ZFP82: variants seen among roughly 807,000 people sequenced by gnomAD.
ZFP82 encodes the protein ZFP82 zinc finger protein, also known as zinc finger protein 82 homolog.
In ZFP82, 30 loss-of-function variants were observed where a neutral mutation model predicts 54.0. That is an observed-to-expected ratio of 0.56 (90% CI 0.42 to 0.75). The LOEUF is 0.75. Among genes scored for constraint, ZFP82 ranks in the 30% least tolerant of loss-of-function variants. The probability of loss-of-function intolerance (pLI) is 0.00; values close to 1 mark genes in which losing one functional copy is unlikely to be tolerated. For missense variants in ZFP82, 500 were observed against 636.8 expected, an observed-to-expected ratio of 0.79 and a Z score of 2.31; for synonymous variants, 194 against 209.5, an observed-to-expected ratio of 0.93 and a Z score of 0.64.
Position 36,393,361 on chromosome 19 carries a change from C to T in ZFP82, c.979G>A (p.Val327Ile), listed in dbSNP as rs2032238242. The part of the protein sequence containing the change: ...KAFLCGSGLR[V>I]HHKLHTGEKP... ...TCACCAGTATGAAGTTTGTGATGTA[C>T]TCTAAGACCAGAGCCACACAAAAAG... The change falls in exon 5 of 5, where the codon GTA becomes ATA. Residue 327 changes from valine to isoleucine, a missense_variant. Coordinates refer to ENST00000392161, the MANE Select transcript of ZFP82 (RefSeq NM_133466.4). 1.2e-6 allele frequency: 2 copies of T among 1,613,518 alleles called. No individual in the cohort carries two copies. The highest frequency in any genetic ancestry group is 1.3e-5 in the African/African-American group (1 of 74,710).
chr19:36,409,541 C>T (rs1406642033), intron 2 of ZFP82, among the ~76,000 whole-genome samples: 1 of 152,152 alleles, frequency 6.6e-6, no homozygotes, highest in Non-Finnish European at 1.5e-5. Context: ...TCCATTGCAG[C>T]TTTTAGCAGA....
intron 1 of ZFP82, 136 bp from the exon 2 acceptor site, chr19:36,410,003 A>C: frequency 9.4e-6 from 5 of 532,804 alleles, no homozygotes; most frequent in East Asian, 3.0e-5. Context: ...GCACACACAC[A>C]TAGGCAGAGA....
chr19:36,414,148 C>T (rs2145601662), intron 1 of ZFP82, among the ~76,000 whole-genome samples: 1 of 152,134 alleles, frequency 6.6e-6, no homozygotes, highest in East Asian at 1.9e-4. Flanking sequence ...GATCCGCCCG[C>T]CTTGGCCTCC....
In ZFP82 at chr19:36,405,638, T is replaced by A; in HGVS notation, c.171A>T (p.Ser57=). The A allele has an allele frequency of 6.2e-7, 1 of 1,610,550 alleles. No homozygotes were observed. The highest frequency in any genetic ancestry group is 2.2e-5 in the East Asian group (1 of 44,878). ...CFISKPDVIS[S]LEQGKEPWKV... ...TCCAAGGCTCTTTTCCTTGCTCCAA[T>A]GAGGAAATCACATCTGGTTTAGAAA... Residue 57 remains serine (S), a synonymous_variant, in exon 4 of 5, where the codon TCA becomes TCT. Transcript: ENST00000392161.
rs1568488487 is a variant in ZFP82, at chr19:36,405,680, GAAGAA to G, written c.137-13_137-9del. The G allele has an allele frequency of 6.3e-7, 1 of 1,579,812 alleles. No homozygotes were observed. On this transcript the variant is annotated splice_polypyrimidine_tract_variant and intron_variant, in intron 3 of 4. Transcript: ENST00000392161. ...GTTTAGAAATGAAGCATCCTGCTTA[GAAGAA>G]AAGGAATATAAGGTACATGAAAATA...
chr19:36,410,860 C>G (rs1364643943), intron 1 of ZFP82, among the ~76,000 whole-genome samples: 1 of 152,116 alleles, frequency 6.6e-6, no homozygotes, highest in East Asian at 1.9e-4. Context: ...AATAATTATT[C>G]TATCCATGCA....
At chr19:36,410,173 G>A (rs956126051) in intron 1 of ZFP82, among the ~76,000 whole-genome samples, 4 of 152,094 alleles carry the variant, frequency 2.6e-5, no homozygotes, top group Non-Finnish European at 4.4e-5. Flanking sequence ...TAAAGACCAA[G>A]CCTGGCAGCC....
rs746975428 is a variant in ZFP82, at chr19:36,388,702, CAA to C, written c.*4037_*4038del. Among the ~76,000 whole-genome samples, 12 of 152,084 alleles carry C rather than the reference CAA, an allele frequency of 7.9e-5. No homozygotes were observed. The highest frequency in any genetic ancestry group is 1.8e-4 in the Non-Finnish European group (12 of 67,998). ...GCCAATTCTATATTAATGTTCTTTT[CAA>C]AGAGAATATCCTTAGTCTGTTATTT... On this transcript the variant is annotated 3_prime_UTR_variant, in exon 5 of 5. Transcript: ENST00000392161.
intron 3 of ZFP82, among the ~76,000 whole-genome samples, chr19:36,407,300 T>C (rs564440647): frequency 2.0e-5 from 3 of 151,918 alleles, no homozygotes; most frequent in Admixed American, 1.3e-4. Context: ...ATGGTCTCGA[T>C]CTCCTGACCT....
intron 4 of ZFP82, among the ~76,000 whole-genome samples, chr19:36,398,759 C>T (rs2032338211): frequency 6.6e-6 from 1 of 152,134 alleles, no homozygotes; most frequent in Non-Finnish European, 1.5e-5. Flanking sequence ...AATCACAGCT[C>T]ACTGCCGCCT....
intron 4 of ZFP82, among the ~76,000 whole-genome samples, chr19:36,399,391 G>C (rs2032347623): frequency 6.6e-6 from 1 of 152,188 alleles, no homozygotes; most frequent in African/African-American, 2.4e-5. Flanking sequence ...GGTAACTGCT[G>C]TGTTCAAAGT....
chr19:36,404,870 T>C (rs1463757042), intron 4 of ZFP82, among the ~76,000 whole-genome samples: 1 of 152,212 alleles, frequency 6.6e-6, no homozygotes, highest in Non-Finnish European at 1.5e-5. Context: ...AACTTTGTCA[T>C]TCTTCAGCTG....
chr19:36,399,382 G>A (rs964096095), intron 4 of ZFP82, among the ~76,000 whole-genome samples: 2 of 152,134 alleles, frequency 1.3e-5, no homozygotes, highest in African/African-American at 4.8e-5. Context: ...AATACACAGG[G>A]TAACTGCTGT....
chr19:36,387,047 T>A (rs1254450365), downstream of ZFP82, among the ~76,000 whole-genome samples: 1 of 152,238 alleles, frequency 6.6e-6, no homozygotes, highest in Non-Finnish European at 1.5e-5. Flanking sequence ...GCTATGCCTG[T>A]CCCACTGTTG....
In ZFP82 at chr19:36,393,292, G is replaced by A. The variant is rs375259952; in HGVS notation, c.1048C>T (p.Arg350Ter). ...CKECGKAFRV[R>*]QQLTLHQRIH... is the part of the protein sequence containing the mutation. The stretch of plus-strand genomic sequence containing the variant: ...CTCTGATGGAGTGTTAGTTGTTGTC[G>A]CACTCTAAAGGCCTTCCCGCATTCC... The change falls in exon 5 of 5, where the codon CGA becomes TGA. Residue 350 changes from arginine to a stop codon, truncating the protein, a stop_gained. Coordinates refer to ENST00000392161, the MANE Select transcript of ZFP82 (RefSeq NM_133466.4). LOFTEE classifies it high-confidence loss of function. The A allele has an allele frequency of 1.9e-6, 3 of 1,613,340 alleles. No homozygotes were observed. The highest frequency in any genetic ancestry group is 1.1e-5 in the South Asian group (1 of 91,022).
In ZFP82 at chr19:36,393,261, T is replaced by A. The variant is rs1600097766; in HGVS notation, c.1079A>T (p.His360Leu). The A allele has an allele frequency of 1.2e-6, 2 of 1,614,104 alleles. No individual in the cohort carries two copies. Among genetic ancestry groups the A allele is most frequent in the East Asian group, 4.5e-5 (2 of 44,864 alleles). The change falls in exon 5 of 5, where the codon CAT (histidine) becomes CTT (leucine). Residue 360 changes from histidine (H) to leucine (L), a missense_variant. Physicochemically the swap from His to Leu is moderately conservative, Grantham distance 99. Transcript: ENST00000392161. ...RQQLTLHQRI[H>L]TGEKPYECKE... ...ACATTCATAGGGTTTCTCACCAGTA[T>A]GAATTCTCTGATGGAGTGTTAGTTG...
chr19:36,407,609 A>T (rs919091397), intron 3 of ZFP82, among the ~76,000 whole-genome samples: 3 of 152,288 alleles, frequency 2.0e-5, no homozygotes, highest in East Asian at 1.9e-4. Flanking sequence ...TCAAACACAA[A>T]GTGAAACTTG....
chr19:36,399,264 T>C (rs1250071863), intron 4 of ZFP82, among the ~76,000 whole-genome samples: 1 of 152,174 alleles, frequency 6.6e-6, no homozygotes, highest in Admixed American at 6.5e-5. Flanking sequence ...GAAGAAATCA[T>C]ATACCAAATC....
intron 4 of ZFP82, chr19:36,395,112 G>C (rs952438080): frequency 6.6e-6 from 1 of 152,182 alleles, no homozygotes; most frequent in South Asian, 2.1e-4. Context: ...ATGGAAATAG[G>C]TGGCTGTATA....
Sources: allele counts gnomAD v4.1 joint callset (sites outside exome capture counted in the v4.1 genomes callset), GRCh38; gene constraint gnomAD v4.1.1; transcripts MANE v1.5; gene names NCBI Gene and HGNC (gene_info 2026-07-23, HGNC 2026-07-21).